CPS1: variants seen among roughly 807,000 people sequenced by gnomAD.
The protein encoded by CPS1 is carbamoyl-phosphate synthase [ammonia], mitochondrial.
In CPS1, 109 loss-of-function variants were observed where a neutral mutation model predicts 174.6. The ratio of observed to expected loss-of-function variants is 0.62; its 90% CI spans 0.53 to 0.73. CPS1 has a LOEUF of 0.73. Ranked by LOEUF, CPS1 falls within the 30% of genes least tolerant of loss-of-function variation. The pLI is 0.00. For missense variants in CPS1, 1,689 were observed against 1,821.9 expected, an observed-to-expected ratio of 0.93 and a Z score of 1.33; for synonymous variants, 637 against 632.0, an observed-to-expected ratio of 1.01 and a Z score of -0.12.
At chr2:210,480,082 G>C (rs1205199056) in intron 1 of CPS1, among the ~76,000 whole-genome samples, 3 of 152,088 alleles carry the variant, frequency 2.0e-5, no homozygotes, top group Non-Finnish European at 4.4e-5. Context: ...ATTTTTCTTA[G>C]TTCAGATTAG....
At chr2:210,494,800 A>T (rs1290081572) in intron 1 of CPS1, among the ~76,000 whole-genome samples, 2 of 152,194 alleles carry the variant, frequency 1.3e-5, no homozygotes, top group Non-Finnish European at 2.9e-5. Flanking sequence ...GATTGAAGCC[A>T]CATAAGAAGG....
At chr2:210,667,098 G>A (rs953197991) in intron 33 of CPS1, among the ~76,000 whole-genome samples, 2 of 152,122 alleles carry the variant, frequency 1.3e-5, no homozygotes, top group Non-Finnish European at 2.9e-5. Flanking sequence ...AATTGTGAAT[G>A]GGAGTTCCCT....
intron 21 of CPS1, among the ~76,000 whole-genome samples, chr2:210,635,439 T>C (rs753021721): frequency 7.2e-5 from 11 of 152,234 alleles, no homozygotes; most frequent in Non-Finnish European, 1.3e-4. Flanking sequence ...CACTGTTCAG[T>C]AGAAATTTCT....
intron 1 of CPS1, among the ~76,000 whole-genome samples, chr2:210,528,994 G>T (rs901356362): frequency 6.6e-6 from 1 of 151,680 alleles, no homozygotes; most frequent in Non-Finnish European, 1.5e-5. Context: ...TTTTTAGGGG[G>T]AGGAGATTAT....
rs1349218283 is a variant in CPS1 at position 210,486,115 on chromosome 2, T to TATAC, written c.3+8350_3+8351insTACA. The stretch of plus-strand genomic sequence containing the variant: ...ATACATATATATATACACACACACA[T>TATAC]ACACACACACACACACACACACACA... On this transcript the variant is annotated intron_variant, in intron 1 of 38. Transcript: ENST00000430249. Among the ~76,000 whole-genome samples, 4 of 135,680 alleles carry TATAC rather than the reference T, an allele frequency of 2.9e-5. No individual in the cohort carries two copies. In the East Asian group the frequency reaches 8.5e-4, roughly 29 times the overall value. The allele number at this position is 135,680 out of a possible 152,430, so 89.0% of individuals were successfully genotyped here.
intron 24 of CPS1, among the ~76,000 whole-genome samples, chr2:210,641,284 G>A (rs370782115): frequency 6.6e-6 from 1 of 151,988 alleles, no homozygotes; most frequent in East Asian, 1.9e-4. Context: ...ATCATGCTTG[G>A]CTTATTTTTA....
chr2:210,631,704 G>A (rs1378405779), intron 21 of CPS1, among the ~76,000 whole-genome samples: 1 of 152,188 alleles, frequency 6.6e-6, no homozygotes, highest in African/African-American at 2.4e-5. Context: ...AATGATGAAA[G>A]TCTAACCTTT....
At chr2:210,579,023 C>G (rs1395632888) in intron 4 of CPS1, among the ~76,000 whole-genome samples, 2 of 152,074 alleles carry the variant, frequency 1.3e-5, no homozygotes, top group Non-Finnish European at 2.9e-5. Flanking sequence ...CAGTTCACCT[C>G]CTTCAATTTA....
intron 30 of CPS1, chr2:210,658,248 T>C (rs917661947): frequency 1.5e-5 from 5 of 329,610 alleles, no homozygotes; most frequent in Admixed American, 4.2e-5. Context: ...TACATTGATA[T>C]AGAGGTTGGA....
chr2:210,566,314 G>T (rs10515951), intron 1 of CPS1, among the ~76,000 whole-genome samples: 10,481 of 152,184 alleles, frequency 0.069, 541 homozygotes, highest in East Asian at 0.25. Context: ...ATTCATCACA[G>T]CATCTAGGGT....
At chr2:210,591,751 T>C in intron 9 of CPS1, 80 bp from the exon 10 acceptor site, 1 of 1,494,238 alleles carries the variant, frequency 6.7e-7, no homozygotes, top group Non-Finnish European at 9.2e-7. Flanking sequence ...CTTTACTTGT[T>C]CACTACTTTA....
chr2:210,650,984 T>C (rs1700541683), intron 28 of CPS1, among the ~76,000 whole-genome samples: 1 of 152,236 alleles, frequency 6.6e-6, no homozygotes, highest in African/African-American at 2.4e-5. Flanking sequence ...TCTTATTTTG[T>C]GGCAACTCAG....
At chr2:210,588,168 A>G (rs1698168726) in intron 7 of CPS1, 21 bp downstream of exon 7, 1 of 1,600,234 alleles carries the variant, frequency 6.2e-7, no homozygotes, top group South Asian at 1.1e-5. Context: ...TGTTCATTTC[A>G]AAGGTGAGGG....
At chr2:210,638,921 T>C (rs1334059720) in intron 22 of CPS1, among the ~76,000 whole-genome samples, 1 of 152,216 alleles carries the variant, frequency 6.6e-6, no homozygotes, top group Non-Finnish European at 1.5e-5. Context: ...TTACTATTAC[T>C]ACTAGTGATC....
At chr2:210,548,163 T>C (rs1696612635) in intron 1 of CPS1, among the ~76,000 whole-genome samples, 1 of 152,038 alleles carries the variant, frequency 6.6e-6, no homozygotes, top group Admixed American at 6.6e-5. Flanking sequence ...ACTAATATAG[T>C]ACTAATAATA....
intron 5 of CPS1, among the ~76,000 whole-genome samples, 172 bp from the exon 6 acceptor site, chr2:210,582,445 G>A (rs1317538238): frequency 2.0e-5 from 3 of 152,078 alleles, no homozygotes; most frequent in African/African-American, 7.2e-5. Context: ...AAATGTATGT[G>A]CAAATTGCTT....
At chr2:210,493,237 C>T (rs1395741113) in intron 1 of CPS1, among the ~76,000 whole-genome samples, 1 of 152,142 alleles carries the variant, frequency 6.6e-6, no homozygotes, top group Non-Finnish European at 1.5e-5. Flanking sequence ...ATCTTTTCAT[C>T]ACTTGCTTCT....
At chr2:210,556,900 G>T in intron 1 of CPS1, 41 bp downstream of exon 1, 1 of 1,605,712 alleles carries the variant, frequency 6.2e-7, no homozygotes, top group Non-Finnish European at 8.5e-7. Flanking sequence ...ATACTATGGG[G>T]TATAGTTTAG....
At chr2:210,625,437 T>C (rs757225623) in intron 21 of CPS1, among the ~76,000 whole-genome samples, 4 of 152,098 alleles carry the variant, frequency 2.6e-5, no homozygotes, top group Non-Finnish European at 5.9e-5. Context: ...TTTACACATG[T>C]TATCTCATAC....
Sources: gnomAD v4.1 joint callset for allele counts (sites outside exome capture counted in the v4.1 genomes callset) on GRCh38, gnomAD v4.1.1 for gene constraint, MANE v1.5 for transcripts, NCBI Gene and HGNC (gene_info 2026-07-23, HGNC 2026-07-21) for gene names.